Variants in CCNB1IP1 observed in about 807,000 individuals in gnomAD.
The protein encoded by CCNB1IP1 is E3 ubiquitin-protein ligase CCNB1IP1.
In CCNB1IP1, 14 loss-of-function variants were observed where a neutral mutation model predicts 25.6. The ratio of observed to expected loss-of-function variants is 0.55; its 90% CI spans 0.36 to 0.85. CCNB1IP1 has a LOEUF of 0.85. Among genes scored for constraint, CCNB1IP1 ranks in the 40% least tolerant of loss-of-function variants. The pLI, the probability that CCNB1IP1 is intolerant of heterozygous loss-of-function variation, is 0.01. For synonymous variants in CCNB1IP1, 119 were observed against 116.1 expected, an observed-to-expected ratio of 1.02 and a Z score of -0.16; for missense variants, 278 against 342.4, an observed-to-expected ratio of 0.81 and a Z score of 1.48.
chr14:20,316,679 G>C (rs1882710239), intron 4 of CCNB1IP1, 119 bp from the exon 5 acceptor site: 1 of 582,342 alleles, frequency 1.7e-6, no homozygotes, highest in Non-Finnish European at 3.0e-6. Context: ...TATATTCCTT[G>C]TATTTATTAT....
chr14:20,319,435 T>C (rs1882822606), intron 4 of CCNB1IP1, among the ~76,000 whole-genome samples: 1 of 152,348 alleles, frequency 6.6e-6, no homozygotes, highest in African/African-American at 2.4e-5. Flanking sequence ...GTTTTAACTA[T>C]GCCAAATGTA....
intron 1 of CCNB1IP1, among the ~76,000 whole-genome samples, chr14:20,332,622 T>C (rs1285999282): frequency 3.3e-5 from 5 of 152,162 alleles, no homozygotes; most frequent in Middle Eastern, 3.2e-3. Context: ...AGGCTTGCCC[T>C]GAACTAAGGT....
At chr14:20,322,109 G>A (rs1882912860) in intron 4 of CCNB1IP1, among the ~76,000 whole-genome samples, 1 of 152,168 alleles carries the variant, frequency 6.6e-6, no homozygotes, top group Non-Finnish European at 1.5e-5. Context: ...ATACCAGTAA[G>A]GTTTTATGTA....
rs767992159 is a variant in CCNB1IP1, at chr14:20,329,356, G to A, written c.-413C>T. 1.3e-5 allele frequency: 2 copies of A among 152,198 alleles called. No individual in the cohort carries two copies. The highest frequency in any genetic ancestry group is 6.5e-5 in the Admixed American group (1 of 15,286). The allele number at this position is 152,198 out of a possible 1,614,324, so 9.4% of individuals were successfully genotyped here. On this transcript the variant is annotated 5_prime_UTR_variant, in exon 2 of 7. Coordinates refer to ENST00000358932, the MANE Select transcript of CCNB1IP1 (RefSeq NM_021178.5). ...ACAGGGTGCTGGACTTCCCTCCTCA[G>A]TGGATTTCATCTTCAACCTGAAACA...
chr14:20,315,076 G>A (rs149693956), intron 5 of CCNB1IP1, among the ~76,000 whole-genome samples: 4,684 of 102,674 alleles, frequency 0.046, 127 homozygotes, highest in East Asian at 0.17. Flanking sequence ...GGACAACAAA[G>A]CGAGACTCCG....
At position 20,320,974 on chromosome 14, in the gene CCNB1IP1, C is replaced by T. The variant is rs377639639; in HGVS notation, c.-37-4414G>A. Among the ~76,000 whole-genome samples the T allele has an allele frequency of 3.0e-4, 46 of 150,994 alleles. No individual in the cohort carries two copies. The East Asian group carries it at 4.5e-3, about 15-fold the overall frequency. On this transcript the variant is annotated intron_variant, in intron 4 of 6. Coordinates refer to ENST00000358932, the MANE Select transcript of CCNB1IP1 (RefSeq NM_021178.5). ...CCAACATGGAGAAACCCCATCTCTACTAAAAATACAAAAATTAGCTGGGTA... is the reference window on the plus strand; with the variant it reads ...CCAACATGGAGAAACCCCATCTCTATTAAAAATACAAAAATTAGCTGGGTA...
intron 3 of CCNB1IP1, 109 bp downstream of exon 3, chr14:20,326,607 T>A (rs1594283447): frequency 2.6e-6 from 1 of 388,934 alleles, no homozygotes; most frequent in Non-Finnish European, 4.9e-6. Context: ...GAACTGGGGA[T>A]TTTTTTTAAT....
chr14:20,312,603 G>A (rs1442316012), intron 6 of CCNB1IP1, among the ~76,000 whole-genome samples: 1 of 151,832 alleles, frequency 6.6e-6, no homozygotes, highest in Non-Finnish European at 1.5e-5. Flanking sequence ...AGCACAAGAG[G>A]CTTCACTTTT....
chr14:20,323,765 A>C (rs1882973100), intron 4 of CCNB1IP1, among the ~76,000 whole-genome samples: 1 of 151,980 alleles, frequency 6.6e-6, no homozygotes, highest in Non-Finnish European at 1.5e-5. Context: ...AAATACAAAA[A>C]AAATTAGCCA....
chr14:20,311,388 CT>C lies in CCNB1IP1; in HGVS notation c.*161del, dbSNP rs1355707635. ...CAGTCTGTAAAGTTAGCTAAATTAT[CT>C]TTATTTTTTTTTAGAAACAGGGTCT... On this transcript the variant is annotated 3_prime_UTR_variant, in exon 7 of 7. Transcript: ENST00000358932. 2.1e-6 allele frequency: 1 copy of C among 478,530 alleles called. No individual in the cohort carries two copies. Among genetic ancestry groups the C allele is most frequent in the East Asian group, 3.2e-5 (1 of 30,888 alleles). The allele number at this position is 478,530 out of a possible 1,614,324, so 29.6% of individuals were successfully genotyped here. A position where few individuals can be genotyped will look rare whatever the true frequency, so the allele number is the denominator to read the frequency against.
intron 6 of CCNB1IP1, 63 bp downstream of exon 6, chr14:20,313,405 G>T: frequency 7.7e-7 from 1 of 1,292,368 alleles, no homozygotes; most frequent in South Asian, 1.4e-5. Flanking sequence ...CTTGGAAGTG[G>T]GCAGAGCAGT....
chr14:20,320,740 G>C (rs1882864441), intron 4 of CCNB1IP1, among the ~76,000 whole-genome samples: 1 of 148,388 alleles, frequency 6.7e-6, no homozygotes, highest in African/African-American at 2.5e-5. Context: ...GGGAGGCGGA[G>C]GTTGCAGTGA....
At chr14:20,311,884 CAT>C (rs1882499365) in intron 6 of CCNB1IP1, 132 bp from the exon 7 acceptor site, 3 of 531,138 alleles carry the variant, frequency 5.6e-6, no homozygotes, top group African/African-American at 3.9e-5. Flanking sequence ...AAAAAACAGA[CAT>C]ATAAAATCTT....
rs1297162149 is a variant in CCNB1IP1, at chr14:20,311,392, A to AT, written c.*157dup. On this transcript the variant is annotated 3_prime_UTR_variant, in exon 7 of 7. Coordinates refer to ENST00000358932, the MANE Select transcript of CCNB1IP1 (RefSeq NM_021178.5). Reference sequence around the variant, plus strand: ...CTGTAAAGTTAGCTAAATTATCTTTATTTTTTTTTAGAAACAGGGTCTCAC... The same window carrying AT: ...CTGTAAAGTTAGCTAAATTATCTTTATTTTTTTTTTAGAAACAGGGTCTCAC... 6.4e-4 allele frequency: 323 copies of AT among 507,310 alleles called. No individual in the cohort carries two copies. The highest frequency in any genetic ancestry group is 1.4e-3 in the South Asian group (40 of 29,614). The allele number at this position is 507,310 out of a possible 1,614,324, so 31.4% of individuals were successfully genotyped here.
chr14:20,321,868 A>T (rs1882906977), intron 4 of CCNB1IP1, among the ~76,000 whole-genome samples: 1 of 152,238 alleles, frequency 6.6e-6, no homozygotes, highest in African/African-American at 2.4e-5. Flanking sequence ...AGTATACCAG[A>T]CTTTCAATAT....
At chr14:20,324,706 GAT>G (rs1883010504) in intron 4 of CCNB1IP1, among the ~76,000 whole-genome samples, 1 of 152,076 alleles carries the variant, frequency 6.6e-6, no homozygotes, top group African/African-American at 2.4e-5. Flanking sequence ...CTAAGACATA[GAT>G]ATTAGGAAAC....
chr14:20,331,899 A>T (rs2138881015), intron 1 of CCNB1IP1, among the ~76,000 whole-genome samples: 1 of 140,346 alleles, frequency 7.1e-6, no homozygotes, highest in Middle Eastern at 3.6e-3. Flanking sequence ...GAGGGAGAGG[A>T]ATTGGATGGC....
At chr14:20,323,917 C>CAAAAAAAAA (rs59156707) in intron 4 of CCNB1IP1, among the ~76,000 whole-genome samples, 2 of 73,716 alleles carry the variant, frequency 2.7e-5, no homozygotes, top group Non-Finnish European at 5.0e-5. Flanking sequence ...GACTCCGTCT[C>CAAAAAAAAA]AAAAAAAAAA....
chr14:20,320,896 G>A (rs1882871763), intron 4 of CCNB1IP1, among the ~76,000 whole-genome samples: 1 of 138,384 alleles, frequency 7.2e-6, no homozygotes, highest in Non-Finnish European at 1.7e-5. Context: ...CCAGCACTTT[G>A]GGGGGTCAAG....
Sources: gnomAD v4.1 joint callset for allele counts (sites outside exome capture counted in the v4.1 genomes callset) on GRCh38, gnomAD v4.1.1 for gene constraint, MANE v1.5 for transcripts, NCBI Gene and HGNC (gene_info 2026-07-23, HGNC 2026-07-21) for gene names.